The following DAB1 variants were observed in gnomAD, a reference collection of about 807,000 sequenced individuals.
The protein encoded by DAB1 is DAB adaptor protein 1, also known as disabled homolog 1.
Under a neutral mutation model 64.6 loss-of-function variants are expected in DAB1, and 15 were observed. The ratio of observed to expected loss-of-function variants is 0.23; its 90% CI spans 0.16 to 0.36. The LOEUF (loss-of-function observed/expected upper bound fraction) is 0.36, where lower values mean the gene tolerates loss of function less well. Among genes scored for constraint, DAB1 ranks in the 10% least tolerant of loss-of-function variants. The pLI is 1.00. For missense variants in DAB1, 596 were observed against 706.7 expected, an observed-to-expected ratio of 0.84 and a Z score of 1.78; for synonymous variants, 235 against 251.9, an observed-to-expected ratio of 0.93 and a Z score of 0.64.
At chr1:57,554,168 T>C (rs1415806928) in intron 7 of DAB1, among the ~76,000 whole-genome samples, 1 of 152,200 alleles carries the variant, frequency 6.6e-6, no homozygotes, top group South Asian at 2.1e-4. Context: ...AGGCCTCCAA[T>C]AGGGAAAATA....
At chr1:58,253,374 T>A (rs1557715884) in intron 4 of DAB1, among the ~76,000 whole-genome samples, 1 of 152,182 alleles carries the variant, frequency 6.6e-6, no homozygotes, top group Non-Finnish European at 1.5e-5. Context: ...TGATTAACAA[T>A]AAAGCCCTGA....
chr1:57,719,041 C>T (rs1294519925), intron 6 of DAB1, among the ~76,000 whole-genome samples: 1 of 151,424 alleles, frequency 6.6e-6, no homozygotes, highest in Non-Finnish European at 1.5e-5. Context: ...TATGCATCAA[C>T]AAAAATATAA....
At chr1:57,023,442 A>G (rs1310838019) in intron 11 of DAB1, 89 bp downstream of exon 11, 3 of 759,498 alleles carry the variant, frequency 3.9e-6, no homozygotes, top group East Asian at 2.7e-5. Context: ...GCAGTGTTTT[A>G]TCATCATTCG....
intron 5 of DAB1, among the ~76,000 whole-genome samples, chr1:58,002,667 G>GTA (rs138608788): frequency 8.7e-4 from 129 of 148,714 alleles, no homozygotes; most frequent in Middle Eastern, 3.5e-3. Context: ...AACACAAGGT[G>GTA]TATATATATA....
chr1:58,029,516 G>A (rs1646942018), intron 5 of DAB1, among the ~76,000 whole-genome samples: 1 of 152,150 alleles, frequency 6.6e-6, no homozygotes, highest in African/African-American at 2.4e-5. Flanking sequence ...AAAAGGGGAG[G>A]GGGCTGGGAG....
chr1:57,074,550 T>A (rs1651808299), intron 4 of DAB1, among the ~76,000 whole-genome samples: 2 of 152,210 alleles, frequency 1.3e-5, no homozygotes, highest in Admixed American at 6.5e-5. Flanking sequence ...CCGGATGCAA[T>A]CTTTCCAGGC....
At chr1:57,455,502 G>T (rs567368022) in intron 7 of DAB1, among the ~76,000 whole-genome samples, 2 of 152,088 alleles carry the variant, frequency 1.3e-5, no homozygotes, top group Non-Finnish European at 2.9e-5. Flanking sequence ...GGAATGTTAC[G>T]ATTAGGGTAG....
intron 7 of DAB1, among the ~76,000 whole-genome samples, chr1:57,646,588 C>A (rs994454681): frequency 6.6e-6 from 1 of 151,922 alleles, no homozygotes; most frequent in Non-Finnish European, 1.5e-5. Context: ...TCTCTACAAA[C>A]AAATGAAAAA....
chr1:57,801,307 G>T (rs1474520042), intron 6 of DAB1, among the ~76,000 whole-genome samples: 2 of 152,152 alleles, frequency 1.3e-5, no homozygotes, highest in Non-Finnish European at 2.9e-5. Flanking sequence ...ATTGTAAGAT[G>T]ACAGACTAGG....
chr1:57,606,602 TATATATGAAATATATA>T (rs1417249979), intron 7 of DAB1, among the ~76,000 whole-genome samples: 8 of 110,916 alleles, frequency 7.2e-5, no homozygotes, highest in African/African-American at 1.1e-4. Context: ...TTATATATTA[TATATATGAAATATATA>T]ATATATGAAA....
At chr1:57,637,999 C>A (rs1008664698) in intron 7 of DAB1, among the ~76,000 whole-genome samples, 2 of 152,116 alleles carry the variant, frequency 1.3e-5, no homozygotes, top group African/African-American at 4.8e-5. Flanking sequence ...TAGAGAAACA[C>A]TTTTGGCATG....
At chr1:57,055,367 G>A (rs1213658687) in intron 9 of DAB1, among the ~76,000 whole-genome samples, 4 of 152,148 alleles carry the variant, frequency 2.6e-5, no homozygotes, top group East Asian at 1.9e-4. Context: ...AATACACAAC[G>A]AAAAGCATCC....
At position 57,859,641 on chromosome 1, in the gene DAB1, C is replaced by G. The variant is rs1284175449; in HGVS notation, n.87+24358G>C. Among the ~76,000 whole-genome samples the G allele has an allele frequency of 2.6e-5, 4 of 152,202 alleles. 1 individual carries two copies. In the East Asian group the frequency reaches 7.7e-4, roughly 29 times the overall value. ...TCATTCATCCTTTGGCTCGTTCTAC[C>G]CTTAATTTTTCCAGACTAACTAGTT... On this transcript the variant is annotated intron_variant and non_coding_transcript_variant, in intron 1 of 1. Transcript: ENST00000477280.
intron 7 of DAB1, among the ~76,000 whole-genome samples, chr1:57,626,136 T>C (rs1480306472): frequency 1.3e-5 from 2 of 152,156 alleles, no homozygotes; most frequent in Non-Finnish European, 2.9e-5. Flanking sequence ...TTATTCATCA[T>C]GATTACTGTG....
chr1:57,203,442 G>T lies in DAB1; in HGVS notation c.68-58013C>A, dbSNP rs1359550221. ...AGGGACCCAGTGCCCAAGACAGAAA[G>T]TAGGGGGGTTTTGGTGAGTGGGAAC... On this transcript the variant is annotated intron_variant, in intron 2 of 14. Coordinates refer to ENST00000371236, the MANE Select transcript of DAB1 (RefSeq NM_001365792.1). Among the ~76,000 whole-genome samples, 3 of 152,310 alleles carry T rather than the reference G, an allele frequency of 2.0e-5. No homozygotes were observed. The South Asian group carries it at 6.2e-4, about 32-fold the overall frequency.
intron 3 of DAB1, among the ~76,000 whole-genome samples, chr1:58,368,812 A>T (rs1442415309): frequency 6.6e-6 from 1 of 152,162 alleles, no homozygotes; most frequent in African/African-American, 2.4e-5. Flanking sequence ...GACAAGCAGA[A>T]ATATCAGGGA....
intron 7 of DAB1, among the ~76,000 whole-genome samples, chr1:57,478,828 C>A (rs966991013): frequency 6.6e-6 from 1 of 151,764 alleles, no homozygotes; most frequent in African/African-American, 2.4e-5. Context: ...TCTCGAACTC[C>A]TGACCTCATG....
intron 1 of DAB1, among the ~76,000 whole-genome samples, chr1:57,381,385 G>A (rs993865747): frequency 5.3e-5 from 8 of 152,162 alleles, no homozygotes; most frequent in Admixed American, 1.3e-4. Context: ...TTACATTGGA[G>A]TCCACAGTAT....
intron 3 of DAB1, among the ~76,000 whole-genome samples, chr1:58,444,605 A>G (rs531187148): frequency 2.0e-5 from 3 of 152,348 alleles, no homozygotes; most frequent in African/African-American, 7.2e-5. Context: ...AAGGAAGATG[A>G]AAAATTGCAC....
Sources: gnomAD v4.1 joint callset for allele counts (sites outside exome capture counted in the v4.1 genomes callset) on GRCh38, gnomAD v4.1.1 for gene constraint, MANE v1.5 for transcripts, NCBI Gene and HGNC (gene_info 2026-07-23, HGNC 2026-07-21) for gene names.